Variants in PCDHA2 observed in about 807,000 individuals in gnomAD.
PCDHA2 encodes protocadherin alpha 2.
Under a neutral mutation model 66.0 loss-of-function variants are expected in PCDHA2, and 58 were observed. The ratio of observed to expected loss-of-function variants is 0.88; its 90% CI spans 0.71 to 1.09. The LOEUF (loss-of-function observed/expected upper bound fraction) is 1.09, where lower values mean the gene tolerates loss of function less well. Among genes scored for constraint, PCDHA2 ranks in the 50% least tolerant of loss-of-function variants. PCDHA2 has a pLI of 0.00. For missense variants in PCDHA2, 1,267 were observed against 1,242.3 expected, an observed-to-expected ratio of 1.02 and a Z score of -0.30; for synonymous variants, 634 against 554.0, an observed-to-expected ratio of 1.14 and a Z score of -2.03.
chr5:140,966,888 C>A, intron 1 of PCDHA2: 13 of 1,593,128 alleles, frequency 8.2e-6, no homozygotes, highest in Non-Finnish European at 1.1e-5. Context: ...GGCCCTGCGG[C>A]CTCCCAGCTG....
At chr5:140,842,635 C>G (rs1330338408) in intron 1 of PCDHA2, 3 of 1,590,774 alleles carry the variant, frequency 1.9e-6, no homozygotes, top group South Asian at 1.1e-5. Flanking sequence ...TGTGGGCCAC[C>G]GCCAGCTTGT....
intron 3 of PCDHA2, among the ~76,000 whole-genome samples, chr5:140,988,308 G>A (rs75602297): frequency 6.6e-6 from 1 of 152,298 alleles, no homozygotes; most frequent in East Asian, 1.9e-4. Flanking sequence ...TGCCAGCTTG[G>A]CTTGGCTTTC....
At chr5:140,848,341 T>C (rs1175376105) in intron 1 of PCDHA2, 6 of 896,220 alleles carry the variant, frequency 6.7e-6, no homozygotes, top group Non-Finnish European at 1.0e-5. Context: ...TCCAGACAAA[T>C]ACAGCCCTTT....
intron 1 of PCDHA2, chr5:140,801,214 G>A (rs539562114): frequency 3.7e-6 from 6 of 1,605,896 alleles, no homozygotes; most frequent in Admixed American, 3.4e-5. Flanking sequence ...TTCTCCTGGC[G>A]AGAAGATCCT....
chr5:140,808,873 G>C (rs782251323), intron 1 of PCDHA2: 14 of 1,613,080 alleles, frequency 8.7e-6, no homozygotes, highest in Non-Finnish European at 1.2e-5. Flanking sequence ...ACGACAACGC[G>C]CCAGCACTGC....
intron 1 of PCDHA2, chr5:140,877,906 A>C: frequency 7.0e-7 from 1 of 1,435,008 alleles, no homozygotes; most frequent in Non-Finnish European, 9.2e-7. Flanking sequence ...TTATAACTAC[A>C]TTCTCTCATT....
chr5:140,978,898 G>A (rs2096827765), intron 1 of PCDHA2, 51 bp from the exon 2 acceptor site: 1 of 1,612,868 alleles, frequency 6.2e-7, no homozygotes. Flanking sequence ...GCATTCCTGG[G>A]AGAACATTGT....
chr5:140,815,317 A>G (rs1384062495), intron 1 of PCDHA2: 1 of 151,994 alleles, frequency 6.6e-6, no homozygotes, highest in South Asian at 2.1e-4. Context: ...TTGTAATGCT[A>G]TGTTTTTGTT....
intron 1 of PCDHA2, chr5:140,817,519 AT>A (rs1269969982): frequency 6.6e-6 from 1 of 152,064 alleles, no homozygotes; most frequent in Non-Finnish European, 1.5e-5. Context: ...TATTTTATTG[AT>A]TTCCTCTTTT....
chr5:140,947,738 T>C (rs2153680991), intron 1 of PCDHA2, among the ~76,000 whole-genome samples: 1 of 151,740 alleles, frequency 6.6e-6, no homozygotes, highest in South Asian at 2.1e-4. Context: ...GTAATACCTA[T>C]TCTTATGTAT....
intron 1 of PCDHA2, chr5:140,807,921 C>T: frequency 1.2e-6 from 2 of 1,614,010 alleles, no homozygotes; most frequent in South Asian, 2.2e-5. Flanking sequence ...TTTGACAGAA[C>T]CATTTATAAG....
Position 140,968,743 on chromosome 5 carries a change from C to T in PCDHA2, c.2389-10206C>T, listed in dbSNP as rs112674082. On this transcript the variant is annotated intron_variant, in intron 1 of 3. Coordinates refer to ENST00000526136, the MANE Select transcript of PCDHA2 (RefSeq NM_018905.3). ...AGAGTGGTAGCACTTTCAACCTGAC[C>T]GTGGTGGTCCGAGATAATGGAGAGC... is the stretch of plus-strand genomic sequence containing the variant. The T allele has an allele frequency of 3.4e-5, 55 of 1,614,060 alleles. No individual in the cohort carries two copies. In the African/African-American group the frequency reaches 5.1e-4, roughly 15 times the overall value.
intron 1 of PCDHA2, among the ~76,000 whole-genome samples, chr5:140,900,446 T>C (rs1344652526): frequency 6.6e-6 from 1 of 152,154 alleles, no homozygotes; most frequent in African/African-American, 2.4e-5. Context: ...GCCGGCTAAT[T>C]TTTTATTTTT....
At position 140,797,352 on chromosome 5, in the gene PCDHA2, G is replaced by A. The variant is rs1762215281; in HGVS notation, c.2388G>A (p.Lys796=). Residue 796 remains lysine (K), a splice_region_variant and synonymous_variant, in exon 1 of 4, where the codon AAG becomes AAA. Transcript: ENST00000526136. ...KQLSESEYVG[K]PRQPNPDWRY... ...TCTCAGAATCAGAATACGTAGGAAA[G>A]GTGAGTCTTTTACTTTTTCTTGCCA... is the stretch of plus-strand genomic sequence containing the variant. 6.2e-7 allele frequency: 1 copy of A among 1,613,362 alleles called. No individual in the cohort carries two copies. Among genetic ancestry groups the A allele is most frequent in the Non-Finnish European group, 8.5e-7 (1 of 1,179,594 alleles).
At chr5:140,959,607 C>T (rs2095500489) in intron 1 of PCDHA2, among the ~76,000 whole-genome samples, 1 of 151,986 alleles carries the variant, frequency 6.6e-6, no homozygotes, top group African/African-American at 2.4e-5. Flanking sequence ...ACATGCTTTT[C>T]TTGCTTGTGA....
chr5:140,863,124 C>T (rs1554157805), intron 1 of PCDHA2: 1 of 594,982 alleles, frequency 1.7e-6, no homozygotes, highest in Non-Finnish European at 3.3e-6. Flanking sequence ...AAGCTACGCG[C>T]CACCGCCTGC....
intron 1 of PCDHA2, among the ~76,000 whole-genome samples, chr5:140,933,649 T>G (rs1259214104): frequency 6.6e-6 from 1 of 152,058 alleles, no homozygotes; most frequent in Non-Finnish European, 1.5e-5. Flanking sequence ...AAGTTGGAAA[T>G]CCTGTCTCTC....
rs1351509805 is a variant in PCDHA2, at chr5:140,928,584, TG to T, written c.2389-50364del. The T allele has an allele frequency of 8.7e-6, 14 of 1,614,150 alleles. No homozygotes were observed. In the African/African-American group the frequency reaches 1.9e-4, roughly 22 times the overall value. On this transcript the variant is annotated intron_variant, in intron 1 of 3. Coordinates refer to ENST00000526136, the MANE Select transcript of PCDHA2 (RefSeq NM_018905.3). ...TGTTTCCCTTGCCCAGAAATGGTTCTGTCCCAGTGGAAATTGTGCCCCGCTC... is the reference window on the plus strand; with the variant it reads ...TGTTTCCCTTGCCCAGAAATGGTTCTTCCCAGTGGAAATTGTGCCCCGCTC...
chr5:140,948,142 T>G (rs1194720907), intron 1 of PCDHA2, among the ~76,000 whole-genome samples: 1 of 151,674 alleles, frequency 6.6e-6, no homozygotes, highest in Admixed American at 6.6e-5. Flanking sequence ...CTAATTGATT[T>G]TTGAATGTTG....
Sources: allele counts gnomAD v4.1 joint callset (sites outside exome capture counted in the v4.1 genomes callset), GRCh38; gene constraint gnomAD v4.1.1; transcripts MANE v1.5; gene names NCBI Gene and HGNC (gene_info 2026-07-23, HGNC 2026-07-21).